Variants in SMIM28 observed in about 807,000 individuals in gnomAD.
The protein encoded by SMIM28 is small integral membrane protein 28.
intron 1 of SMIM28, among the ~76,000 whole-genome samples, chr6:138,382,118 C>T (rs968398437): frequency 7.2e-5 from 11 of 151,888 alleles, no homozygotes; most frequent in East Asian, 3.9e-4. Context: ...AGGCCTTGGC[C>T]GGGTGCTGTG....
chr6:138,383,132 G>C lies in SMIM28; in HGVS notation c.*285G>C. On this transcript the variant is annotated 3_prime_UTR_variant, in exon 2 of 2. Transcript: ENST00000573100. ...CTCCTAAAATGTATAACACTCCTGA[G>C]AAAAAAAGGAAAGTTCTATGTGAGT... 5.1e-6 allele frequency: 1 copy of C among 194,246 alleles called. No homozygotes were observed. The highest frequency in any genetic ancestry group is 9.9e-6 in the Non-Finnish European group (1 of 100,712). 12.0% of individuals were successfully genotyped at this position (194,246 alleles called of 1,614,324 possible). A position where few individuals can be genotyped will look rare whatever the true frequency, so the allele number is the denominator to read the frequency against.
In SMIM28 at chr6:138,382,812, G is replaced by A. The variant is rs1247909818; in HGVS notation, c.424G>A (p.Gly142Arg). ...CGAAGAGGCCACCAGAAATCCTCCT[G>A]GGGAGGAGGCCCAGGGATGCAGTCC... Reference protein sequence around the residue: ...SYEEATRNPPGEEAQGCSPSV With the variant: ...SYEEATRNPPREEAQGCSPSV The change falls in exon 2 of 2, where the codon GGG becomes AGG. Residue 142 changes from glycine to arginine, a missense_variant. By Grantham distance (125) the Gly-to-Arg change is moderately radical (BLOSUM62 -2). Transcript: ENST00000573100. 1 of 398,546 alleles carries A rather than the reference G, an allele frequency of 2.5e-6. No individual in the cohort carries two copies. The highest frequency in any genetic ancestry group is 4.4e-6 in the Non-Finnish European group (1 of 226,120). 24.7% of individuals were successfully genotyped at this position (398,546 alleles called of 1,614,324 possible).
chr6:138,382,611 C>A lies in SMIM28; in HGVS notation c.223C>A (p.Arg75Ser), dbSNP rs1012770336. 2 of 398,718 alleles carry A rather than the reference C, an allele frequency of 5.0e-6. No individual in the cohort carries two copies. Among genetic ancestry groups the A allele is most frequent in the East Asian group, 3.6e-5 (1 of 28,064 alleles). 24.7% of individuals were successfully genotyped at this position (398,718 alleles called of 1,614,324 possible). ...LAFLLLFLYR[R>S]CKSPPPQGQV... ...ATTTCTGCTGCTGTTCCTGTACCGC[C>A]GCTGCAAGTCCCCACCGCCCCAGGG... Residue 75 changes from arginine (R) to serine (S), a missense_variant, in exon 2 of 2, where the codon CGC (arginine) becomes AGC (serine). Physicochemically the swap from Arg to Ser is moderately radical, Grantham distance 110 (BLOSUM62 -1). Coordinates refer to ENST00000573100, the MANE Select transcript of SMIM28 (RefSeq NM_001368163.3).
At chr6:138,379,142 A>C (rs1466211081) in intron 1 of SMIM28, among the ~76,000 whole-genome samples, 1 of 152,194 alleles carries the variant, frequency 6.6e-6, no homozygotes, top group Non-Finnish European at 1.5e-5. Flanking sequence ...ATATAACATA[A>C]ATAATTAAAT....
At chr6:138,378,320 A>G in intron 1 of SMIM28, 137 bp downstream of exon 1, 1 of 395,208 alleles carries the variant, frequency 2.5e-6, no homozygotes, top group Non-Finnish European at 4.5e-6. Flanking sequence ...ATAGGAATTC[A>G]CTGATTGGCA....
In SMIM28 at chr6:138,382,378, C is replaced by T. The variant is rs1360663179; in HGVS notation, c.112-122C>T. 635 of 352,840 alleles carry T rather than the reference C, an allele frequency of 1.8e-3. 4 individuals are homozygous for T. The highest frequency in any genetic ancestry group is 4.5e-3 in the Middle Eastern group (6 of 1,330). The allele number at this position is 352,840 out of a possible 1,614,324, so 21.9% of individuals were successfully genotyped here. On this transcript the variant is annotated intron_variant, in intron 1 of 1. Coordinates refer to ENST00000573100, the MANE Select transcript of SMIM28 (RefSeq NM_001368163.3). ...CGCCATCGCACTCCAGCCTGGGTGACGGAGCAAGACTGTGTCTCAAAAAAA... is the reference window on the plus strand; with the variant it reads ...CGCCATCGCACTCCAGCCTGGGTGATGGAGCAAGACTGTGTCTCAAAAAAA...
chr6:138,379,426 T>C (rs1774290144), intron 1 of SMIM28, among the ~76,000 whole-genome samples: 1 of 152,184 alleles, frequency 6.6e-6, no homozygotes, highest in Admixed American at 6.5e-5. Flanking sequence ...ACCTTTTAAA[T>C]AGAACATTAA....
At chr6:138,378,563 G>A (rs1774281861) in intron 1 of SMIM28, among the ~76,000 whole-genome samples, 1 of 152,146 alleles carries the variant, frequency 6.6e-6, no homozygotes, top group Admixed American at 6.5e-5. Context: ...TTTGGTCCTG[G>A]CTGTGTATTA....
intron 1 of SMIM28, among the ~76,000 whole-genome samples, chr6:138,381,712 T>C (rs1774314354): frequency 6.6e-6 from 1 of 152,242 alleles, no homozygotes; most frequent in Admixed American, 6.5e-5. Flanking sequence ...ATGTAATATT[T>C]ACATGTGCTA....
chr6:138,381,777 T>C lies in SMIM28; in HGVS notation c.112-723T>C, dbSNP rs549341948. 5.3e-5 allele frequency among the ~76,000 whole-genome samples: 8 copies of C among 152,348 alleles called. No individual in the cohort carries two copies. The East Asian group carries it at 1.3e-3, about 26-fold the overall frequency. Reference sequence around the variant, plus strand: ...TTAAAGAACTTAAGTGAGTCCCACATGATCTGTTAGTGGCAATAAATCATA... The same window carrying C: ...TTAAAGAACTTAAGTGAGTCCCACACGATCTGTTAGTGGCAATAAATCATA... On this transcript the variant is annotated intron_variant, in intron 1 of 1. Transcript: ENST00000573100.
chr6:138,382,346 A>C (rs536883019), intron 1 of SMIM28, among the ~76,000 whole-genome samples, 154 bp from the exon 2 acceptor site: 2 of 149,772 alleles, frequency 1.3e-5, no homozygotes, highest in South Asian at 4.2e-4. Context: ...GCAGTGAGCC[A>C]AGATTGCGCC....
Position 138,383,335 on chromosome 6 carries a change from T to C in SMIM28, c.*488T>C, listed in dbSNP as rs914861687. Among the ~76,000 whole-genome samples the C allele has an allele frequency of 6.6e-6, 1 of 152,172 alleles. No homozygotes were observed. Among genetic ancestry groups the C allele is most frequent in the African/African-American group, 2.4e-5 (1 of 41,428 alleles). ...TCACTTCTGTATGAATGCTCCAAGA[T>C]ATAGAGAGTTCTAGCAGGAGTAAAA... On this transcript the variant is annotated 3_prime_UTR_variant, in exon 2 of 2. Coordinates refer to ENST00000573100, the MANE Select transcript of SMIM28 (RefSeq NM_001368163.3).
At chr6:138,380,236 A>G (rs941776251) in intron 1 of SMIM28, among the ~76,000 whole-genome samples, 2 of 152,244 alleles carry the variant, frequency 1.3e-5, no homozygotes, top group African/African-American at 4.8e-5. Context: ...ACACAGTGTT[A>G]GAACATTATA....
intron 1 of SMIM28, among the ~76,000 whole-genome samples, chr6:138,379,935 CTT>C (rs1270805322): frequency 6.6e-6 from 1 of 152,072 alleles, no homozygotes; most frequent in Non-Finnish European, 1.5e-5. Flanking sequence ...ACATAAGAGA[CTT>C]TTTCTGAAAA....
chr6:138,379,685 C>G (rs59204400), intron 1 of SMIM28, among the ~76,000 whole-genome samples: 10,851 of 152,000 alleles, frequency 0.071, 1,099 homozygotes, highest in African/African-American at 0.23. Flanking sequence ...AATGTTAAAA[C>G]TTTTTTGGTG....
chr6:138,378,445 C>T (rs923803015), intron 1 of SMIM28, among the ~76,000 whole-genome samples: 1 of 152,176 alleles, frequency 6.6e-6, no homozygotes, highest in Non-Finnish European at 1.5e-5. Flanking sequence ...TTGAAGAACA[C>T]CTGAAAGCAG....
Position 138,382,090 on chromosome 6 carries a change from C to CAG in SMIM28, c.112-409_112-408dup, listed in dbSNP as rs1440726367. Reference sequence around the variant, plus strand: ...AAGAACGAAAGATGAGAGGGAACTTCAGGGCCTTAGAAATGTGAGGCCTTG... The same window carrying CAG: ...AAGAACGAAAGATGAGAGGGAACTTCAGAGGGCCTTAGAAATGTGAGGCCTTG... On this transcript the variant is annotated intron_variant, in intron 1 of 1. Coordinates refer to ENST00000573100, the MANE Select transcript of SMIM28 (RefSeq NM_001368163.3). Among the ~76,000 whole-genome samples, 5 of 152,126 alleles carry CAG rather than the reference C, an allele frequency of 3.3e-5. No homozygotes were observed. In the East Asian group the frequency reaches 9.6e-4, roughly 29 times the overall value.
Position 138,382,571 on chromosome 6 carries a change from C to T in SMIM28, c.183C>T (p.Ile61=), listed in dbSNP as rs1406143744. ...PFLCILLPAT[I]LLFLAFLLLF... ...TGTGCATCCTTCTGCCGGCCACCATCCTGCTCTTCCTGGCATTTCTGCTGC... is the reference window on the plus strand; with the variant it reads ...TGTGCATCCTTCTGCCGGCCACCATTCTGCTCTTCCTGGCATTTCTGCTGC... The change falls in exon 2 of 2, where the codon ATC becomes ATT. Residue 61 remains isoleucine (I), a synonymous_variant. Transcript: ENST00000573100. The T allele has an allele frequency of 7.5e-6, 3 of 399,086 alleles. No individual in the cohort carries two copies. Among genetic ancestry groups the T allele is most frequent in the Non-Finnish European group, 1.3e-5 (3 of 226,606 alleles). The allele number at this position is 399,086 out of a possible 1,614,324, so 24.7% of individuals were successfully genotyped here.
chr6:138,382,997 A>T lies in SMIM28; in HGVS notation c.*150A>T, dbSNP rs922100290. ...TGCTATTCATTGGCCAACCTCTGAC[A>T]ATGGGGCACTTCAGGCTGAGGGCAA... On this transcript the variant is annotated 3_prime_UTR_variant, in exon 2 of 2. Coordinates refer to ENST00000573100, the MANE Select transcript of SMIM28 (RefSeq NM_001368163.3). 2 of 394,976 alleles carry T rather than the reference A, an allele frequency of 5.1e-6. No individual in the cohort carries two copies. Among genetic ancestry groups the T allele is most frequent in the Non-Finnish European group, 8.9e-6 (2 of 224,418 alleles). 24.5% of individuals were successfully genotyped at this position (394,976 alleles called of 1,614,324 possible). A position where few individuals can be genotyped will look rare whatever the true frequency, so the allele number is the denominator to read the frequency against.
Sources: allele counts gnomAD v4.1 joint callset (sites outside exome capture counted in the v4.1 genomes callset), GRCh38; gene constraint gnomAD v4.1.1; transcripts MANE v1.5; gene names NCBI Gene and HGNC (gene_info 2026-07-23, HGNC 2026-07-21).